TNFRSF10B: variants seen among roughly 807,000 people sequenced by gnomAD.
TNFRSF10B encodes the protein tumor necrosis factor receptor superfamily member 10B.
Under a neutral mutation model 41.4 loss-of-function variants are expected in TNFRSF10B, and 35 were observed. The ratio of observed to expected loss-of-function variants is 0.85; its 90% confidence interval spans 0.65 to 1.12. The LOEUF is 1.12. TNFRSF10B is among the 50% of genes most tolerant of loss of function. The pLI, the probability that TNFRSF10B is intolerant of heterozygous loss-of-function variation, is 0.00. For synonymous variants in TNFRSF10B, 230 were observed against 215.5 expected (o/e 1.07, Z -0.59); for missense variants, 584 against 552.7 (o/e 1.06, Z -0.57).
chr8:23,047,002 C>T (rs1230640844), intron 1 of TNFRSF10B, among the ~76,000 whole-genome samples: 1 of 152,114 alleles, frequency 6.6e-6, no homozygotes, highest in African/African-American at 2.4e-5. Context: ...TATTAAACTG[C>T]TAGAAGAAAA....
chr8:23,064,310 G>A (rs1275404273), intron 1 of TNFRSF10B, among the ~76,000 whole-genome samples: 4 of 152,224 alleles, frequency 2.6e-5, no homozygotes, highest in Admixed American at 2.6e-4. Context: ...GAGAGGTACT[G>A]CTGAATTAAT....
intron 2 of TNFRSF10B, among the ~76,000 whole-genome samples, chr8:23,041,169 C>T (rs1046607041): frequency 4.6e-5 from 7 of 151,930 alleles, no homozygotes; most frequent in African/African-American, 1.7e-4. Flanking sequence ...AGCGATTCTC[C>T]TGCCTCAGCC....
intron 1 of TNFRSF10B, among the ~76,000 whole-genome samples, chr8:23,047,058 A>T (rs1489254137): frequency 2.6e-5 from 4 of 152,338 alleles, no homozygotes; most frequent in Non-Finnish European, 2.9e-5. Context: ...AACATTTTTT[A>T]AAATTTGACC....
At chr8:23,031,152 T>G (rs1224056687) in intron 2 of TNFRSF10B, among the ~76,000 whole-genome samples, 1 of 152,210 alleles carries the variant, frequency 6.6e-6, no homozygotes, top group African/African-American at 2.4e-5. Context: ...CTCGGCTCAC[T>G]GCAACCTCCG....
intron 1 of TNFRSF10B, among the ~76,000 whole-genome samples, chr8:23,046,364 A>G (rs1253820610): frequency 6.6e-6 from 1 of 152,158 alleles, no homozygotes; most frequent in East Asian, 1.9e-4. Context: ...AAATTAGTAA[A>G]TTTAACTAAG....
At position 23,021,604 on chromosome 8, in the gene TNFRSF10B, A is replaced by G. The variant is rs964302294; in HGVS notation, c.*1067T>C. 3 of 453,992 alleles carry G rather than the reference A, an allele frequency of 6.6e-6. No homozygotes were observed. The highest frequency in any genetic ancestry group is 1.3e-5 in the Non-Finnish European group (3 of 226,796). 28.1% of individuals were successfully genotyped at this position (453,992 alleles called of 1,614,324 possible). A position where few individuals can be genotyped will look rare whatever the true frequency, so the allele number is the denominator to read the frequency against. ...CCCAGCCTGTCCATAGATGGGGGCT[A>G]TGGGTGCAAATGAGACTGCCCAGGT... On this transcript the variant is annotated 3_prime_UTR_variant, in exon 9 of 9. Coordinates refer to ENST00000276431, the MANE Select transcript of TNFRSF10B (RefSeq NM_003842.5).
At position 23,068,711 on chromosome 8, in the gene TNFRSF10B, G is replaced by A. The variant is rs755933558; in HGVS notation, c.144+40C>T. ...TCTCCCTGCCCTCTCCAGGCGCCAG[G>A]CACGCTCTTCCCCAGCCAGGGACCG... is the stretch of plus-strand genomic sequence containing the variant. On this transcript the variant is annotated intron_variant, in intron 1 of 8. Coordinates refer to ENST00000276431, the MANE Select transcript of TNFRSF10B (RefSeq NM_003842.5). 1.4e-5 allele frequency: 21 copies of A among 1,547,988 alleles called. 1 individual carries two copies. In the South Asian group the frequency reaches 2.1e-4, roughly 16 times the overall value.
chr8:23,024,355 C>G (rs562908244), intron 7 of TNFRSF10B, 95 bp from the exon 8 acceptor site: 2 of 1,336,056 alleles, frequency 1.5e-6, no homozygotes, highest in Admixed American at 3.4e-5. Flanking sequence ...ACCTGCAGCA[C>G]GTCACTTCCA....
intron 2 of TNFRSF10B, among the ~76,000 whole-genome samples, chr8:23,040,406 TAC>T (rs371962835): frequency 1.2e-5 from 1 of 80,214 alleles, no homozygotes; most frequent in African/African-American, 3.4e-5. Flanking sequence ...TAAATATATA[TAC>T]AAAATATATA....
At position 23,021,014 on chromosome 8, in the gene TNFRSF10B, C is replaced by T. The variant is rs1482761829; in HGVS notation, c.*1657G>A. ...CACAACAGTCTGAATGTGTGATCTT[C>T]AGGCAATTCTAACTTTGTCCCACCC... On this transcript the variant is annotated 3_prime_UTR_variant, in exon 9 of 9. Transcript: ENST00000276431. The T allele has an allele frequency of 2.2e-6, 1 of 454,130 alleles. No homozygotes were observed. Among genetic ancestry groups the T allele is most frequent in the East Asian group, 6.9e-5 (1 of 14,390 alleles). The allele number at this position is 454,130 out of a possible 1,614,324, so 28.1% of individuals were successfully genotyped here. A position where few individuals can be genotyped will look rare whatever the true frequency, so the allele number is the denominator to read the frequency against.
chr8:23,038,904 T>C (rs1812095784), intron 2 of TNFRSF10B, among the ~76,000 whole-genome samples: 1 of 152,076 alleles, frequency 6.6e-6, no homozygotes, highest in Non-Finnish European at 1.5e-5. Flanking sequence ...ATGGGGATGG[T>C]TTCAGGATGA....
intron 3 of TNFRSF10B, among the ~76,000 whole-genome samples, chr8:23,030,186 T>G (rs1039482133): frequency 6.6e-6 from 1 of 151,872 alleles, no homozygotes; most frequent in Non-Finnish European, 1.5e-5. Flanking sequence ...AAAGCAGACC[T>G]GTGCCACTGC....
At position 23,022,678 on chromosome 8, in the gene TNFRSF10B, A is replaced by T; in HGVS notation, c.1316T>A (p.Met439Lys). The T allele has an allele frequency of 6.2e-7, 1 of 1,614,122 alleles. No individual in the cohort carries two copies. Among genetic ancestry groups the T allele is most frequent in the Non-Finnish European group, 8.5e-7 (1 of 1,180,050 alleles). ...TCCTGAAGAGAATCACACTTAGGAC[A>T]TGGCAGAGTCTGCATTACCTTCTAG... The part of the protein sequence containing the change: ...MYLEGNADSA[M>K]S The change falls in exon 9 of 9, where the codon ATG becomes AAG. Residue 439 changes from methionine (M) to lysine (K), a missense_variant. Transcript: ENST00000276431.
chr8:23,040,333 T>C (rs1300380575), intron 2 of TNFRSF10B, among the ~76,000 whole-genome samples: 1 of 88,346 alleles, frequency 1.1e-5, no homozygotes, highest in African/African-American at 3.3e-5. Flanking sequence ...ATACAAAATA[T>C]ATATTTATTA....
chr8:23,027,075 C>G (rs17088896), intron 7 of TNFRSF10B, 58 bp downstream of exon 7: 48 of 1,611,854 alleles, frequency 3.0e-5, no homozygotes, highest in Admixed American at 1.3e-4. Context: ...CTCCCACTGT[C>G]TACGAAATCC....
chr8:23,061,897 T>C (rs975641912), intron 1 of TNFRSF10B, among the ~76,000 whole-genome samples: 9 of 152,246 alleles, frequency 5.9e-5, no homozygotes, highest in African/African-American at 1.2e-4. Flanking sequence ...AACTTGGTCA[T>C]GGTGTATAAT....
At chr8:23,041,373 A>G (rs1046192842) in intron 2 of TNFRSF10B, among the ~76,000 whole-genome samples, 2 of 151,198 alleles carry the variant, frequency 1.3e-5, no homozygotes, top group African/African-American at 4.9e-5. Context: ...GGGAATTTTT[A>G]TTAGAATTTT....
In TNFRSF10B at chr8:23,028,551, GAT is replaced by G. The variant is rs767848774; in HGVS notation, c.526_527del (p.Ile176ArgfsTer80). 1 of 1,614,050 alleles carries G rather than the reference GAT, an allele frequency of 6.2e-7. No homozygotes were observed. Among genetic ancestry groups the G allele is most frequent in the Admixed American group, 1.7e-5 (1 of 60,018 alleles). ...TACCTGATTCTTTGTGGACACATTC[GAT>G]GTCACTCCAGGGTGTACAATCACCG... ...KVGDCTPWSD[I>X]ECVHKESGTK... On this transcript the variant is annotated frameshift_variant, in exon 5 of 9. Transcript: ENST00000276431. LOFTEE classifies it high-confidence loss of function.
chr8:23,026,863 A>G (rs907042103), intron 7 of TNFRSF10B, among the ~76,000 whole-genome samples: 1 of 152,198 alleles, frequency 6.6e-6, no homozygotes, highest in African/African-American at 2.4e-5. Context: ...TTATTCACTC[A>G]TCAATGAACC....
Sources: allele counts gnomAD v4.1 joint callset (sites outside exome capture counted in the v4.1 genomes callset), GRCh38; gene constraint gnomAD v4.1.1; transcripts MANE v1.5; gene names NCBI Gene and HGNC (gene_info 2026-07-23, HGNC 2026-07-21).